The following MED23 variants were observed in gnomAD, a reference collection of about 807,000 sequenced individuals.
MED23 encodes mediator of RNA polymerase II transcription subunit 23.
A neutral mutation model predicts 163.9 loss-of-function variants in MED23; 105 were observed. The observed-to-expected ratio is 0.64, with a 90% CI of 0.55 to 0.75. MED23 has a LOEUF of 0.75. Among genes scored for constraint, MED23 ranks in the 30% least tolerant of loss-of-function variants. The pLI is 0.00. For synonymous variants in MED23, 561 were observed against 565.6 expected, an observed-to-expected ratio of 0.99 and a Z score of 0.12; for missense variants, 1,054 against 1,649.0, an observed-to-expected ratio of 0.64 and a Z score of 6.25.
rs1161818885 is a variant in MED23, at chr6:131,624,850, A to G, written c.284+15T>C. On this transcript the variant is annotated intron_variant, in intron 4 of 28. Coordinates refer to ENST00000368068, the MANE Select transcript of MED23 (RefSeq NM_004830.4). The stretch of plus-strand genomic sequence containing the variant: ...AAAGAAAATTCTTCAGATTGCTCAT[A>G]CCCATTAAACGTACCTGGGTGGAAG... 6.2e-6 allele frequency: 10 copies of G among 1,613,488 alleles called. No individual in the cohort carries two copies. The Admixed American group carries it at 1.5e-4, about 24-fold the overall frequency.
At chr6:131,625,918 C>T (rs553339443) in intron 3 of MED23, among the ~76,000 whole-genome samples, 11 of 151,734 alleles carry the variant, frequency 7.2e-5, no homozygotes, top group East Asian at 1.9e-4. Context: ...GTCGGGAGAT[C>T]GAGACCAACC....
intron 30 of MED23, chr6:131,576,663 C>G: frequency 1.9e-6 from 3 of 1,613,592 alleles, no homozygotes; most frequent in South Asian, 1.1e-5. Context: ...AATTGTTCAG[C>G]CACGAGGAGG....
chr6:131,574,658 A>G (rs1032683970), intron 30 of MED23, among the ~76,000 whole-genome samples: 1 of 152,172 alleles, frequency 6.6e-6, no homozygotes, highest in African/African-American at 2.4e-5. Flanking sequence ...TGGCCAACAT[A>G]TAAGTATTTG....
chr6:131,625,419 G>C (rs548695917), intron 3 of MED23, among the ~76,000 whole-genome samples: 1 of 152,240 alleles, frequency 6.6e-6, no homozygotes, highest in South Asian at 2.1e-4. Context: ...CAATCCCTAA[G>C]ATCCCAAACA....
intron 20 of MED23, among the ~76,000 whole-genome samples, chr6:131,597,164 T>C (rs1367266559): frequency 1.3e-5 from 2 of 152,104 alleles, no homozygotes; most frequent in African/African-American, 4.8e-5. Context: ...TCCAGCCTAC[T>C]TCAATATCTT....
chr6:131,617,224 T>C (rs1776755207), intron 9 of MED23, among the ~76,000 whole-genome samples: 1 of 151,614 alleles, frequency 6.6e-6, no homozygotes, highest in Non-Finnish European at 1.5e-5. Flanking sequence ...TTTTCATTTC[T>C]ATCTGTGTCG....
intron 10 of MED23, among the ~76,000 whole-genome samples, chr6:131,614,721 C>T (rs998926103): frequency 3.9e-5 from 6 of 152,120 alleles, no homozygotes; most frequent in African/African-American, 7.2e-5. Context: ...ATTTCTTAGT[C>T]AATCCCCATG....
At chr6:131,624,735 A>G (rs1343001478) in intron 4 of MED23, 130 bp downstream of exon 4, 33 of 1,008,252 alleles carry the variant, frequency 3.3e-5, no homozygotes, top group Non-Finnish European at 4.4e-5. Flanking sequence ...GAGGTATTAT[A>G]TAAAGGATTA....
At position 131,591,505 on chromosome 6, in the gene MED23, T is replaced by C. The variant is rs755548604; in HGVS notation, c.3494A>G (p.His1165Arg). 15 of 1,613,580 alleles carry C rather than the reference T, an allele frequency of 9.3e-6. No homozygotes were observed. Among genetic ancestry groups the C allele is most frequent in the African/African-American group, 1.3e-5 (1 of 75,046 alleles). ...GCTGATGACACTCACAATTCGATCA[T>C]GAAGAACAATCCAATATGGCTCCTT... ...ALPEPYWIVL[H>R]DRIVSVISSP... Residue 1165 changes from histidine (H) to arginine (R), a missense_variant, in exon 26 of 29, where the codon CAT becomes CGT. By Grantham distance (29) the His-to-Arg change is conservative. Coordinates refer to ENST00000368068, the MANE Select transcript of MED23 (RefSeq NM_004830.4).
chr6:131,627,719 A>G, intron 1 of MED23, 47 bp from the exon 2 acceptor site: 1 of 1,560,628 alleles, frequency 6.4e-7, no homozygotes, highest in South Asian at 1.2e-5. Context: ...AATTTTAAAA[A>G]GGCGCCTCCC....
rs866126422 is a variant in MED23 at position 131,574,306 on chromosome 6, A to G, written c.4096-11T>C. The G allele has an allele frequency of 8.1e-6, 13 of 1,613,910 alleles. No homozygotes were observed. The Middle Eastern group carries it at 2.0e-3, about 246-fold the overall frequency. ...TACTCTGACTTTTTACTGCAAAACA[A>G]ATTGAGAGAGGCCAGAGGTTAGAGG... is the stretch of plus-strand genomic sequence containing the variant. On this transcript the variant is annotated splice_polypyrimidine_tract_variant and intron_variant, in intron 30 of 30. Coordinates refer to the MED23 transcript ENST00000354577.
At chr6:131,586,163 A>G (rs547656973), downstream of MED23, among the ~76,000 whole-genome samples, 1 of 152,318 alleles carries the variant, frequency 6.6e-6, no homozygotes. Context: ...TGGGAGGCTG[A>G]GGCGGGGGAT....
downstream of MED23, chr6:131,583,891 C>G (rs764788600): frequency 8.7e-6 from 14 of 1,613,966 alleles, no homozygotes; most frequent in Non-Finnish European, 1.2e-5. Flanking sequence ...TATTGACTAC[C>G]TTAACCCACC....
Position 131,587,677 on chromosome 6 carries a change from C to T in MED23, c.*2G>A, listed in dbSNP as rs769722987. On this transcript the variant is annotated 3_prime_UTR_variant, in exon 29 of 29. Coordinates refer to ENST00000368068, the MANE Select transcript of MED23 (RefSeq NM_004830.4). Reference sequence around the variant, plus strand: ...CTACTTTCTCCACAGTACAGTCTGGCTTCACTGAGTTACTGGTAAAGACAC... The same window carrying T: ...CTACTTTCTCCACAGTACAGTCTGGTTTCACTGAGTTACTGGTAAAGACAC... The T allele has an allele frequency of 6.2e-7, 1 of 1,614,118 alleles. No individual in the cohort carries two copies. The highest frequency in any genetic ancestry group is 1.1e-5 in the South Asian group (1 of 91,082).
chr6:131,588,917 T>G (rs1257799354), intron 28 of MED23, among the ~76,000 whole-genome samples: 1 of 152,246 alleles, frequency 6.6e-6, no homozygotes, highest in Middle Eastern at 3.4e-3. Flanking sequence ...TAATACCTAT[T>G]CCAAATGAAA....
chr6:131,621,800 G>C (rs774627431), intron 6 of MED23, 81 bp downstream of exon 6: 17 of 777,040 alleles, frequency 2.2e-5, no homozygotes, highest in Non-Finnish European at 3.1e-5. Flanking sequence ...ACAAAATACC[G>C]TAAGTATTAA....
At position 131,598,869 on chromosome 6, in the gene MED23, G is replaced by A. The variant is rs1775263713; in HGVS notation, c.2221-108C>T. On this transcript the variant is annotated intron_variant, in intron 18 of 28. Transcript: ENST00000368068. The surrounding 1 kb of genome is among the most constrained non-coding windows in gnomAD (Gnocchi z 4.7). ...TGATTCTGACACTAATAAACTCTAG[G>A]TCACCTTGAGCAACTCAGCAATTAA... The A allele has an allele frequency of 9.6e-7, 1 of 1,044,122 alleles. No individual in the cohort carries two copies. The highest frequency in any genetic ancestry group is 1.3e-5 in the South Asian group (1 of 74,640). The allele number at this position is 1,044,122 out of a possible 1,614,324, so 64.7% of individuals were successfully genotyped here.
chr6:131,618,500 TG>T lies in MED23; in HGVS notation c.686del (p.Pro229GlnfsTer3). 2 of 1,613,844 alleles carry T rather than the reference TG, an allele frequency of 1.2e-6. No individual in the cohort carries two copies. Among genetic ancestry groups the T allele is most frequent in the Non-Finnish European group, 1.7e-6 (2 of 1,179,782 alleles). ...NSICGRCSLL[P>X]VVNNSGAICN... ...AAATGGCACCCGAATTATTTACAAC[TG>T]GCAGAAGACTACAGCGACCTGTATG... On this transcript the variant is annotated frameshift_variant, in exon 9 of 29. Coordinates refer to ENST00000368068, the MANE Select transcript of MED23 (RefSeq NM_004830.4). LOFTEE classifies it high-confidence loss of function.
chr6:131,595,325 C>A (rs1774966878), intron 22 of MED23, among the ~76,000 whole-genome samples: 1 of 152,370 alleles, frequency 6.6e-6, no homozygotes, highest in African/African-American at 2.4e-5. Flanking sequence ...ATACTAATCA[C>A]ACAACTGAGC....
Sources: gnomAD v4.1 joint callset for allele counts (sites outside exome capture counted in the v4.1 genomes callset) on GRCh38, gnomAD v4.1.1 for gene constraint, Gnocchi (gnomAD v3.1) non-coding constraint, MANE v1.5 for transcripts, NCBI Gene and HGNC (gene_info 2026-07-23, HGNC 2026-07-21) for gene names.